TMEM117: variants seen among roughly 807,000 people sequenced by gnomAD.
TMEM117 encodes transmembrane protein 117.
TMEM117 carries 27 observed loss-of-function variants against 52.4 expected under a neutral mutation model. That is an observed-to-expected ratio of 0.51 (90% confidence interval 0.38 to 0.71). TMEM117 has a LOEUF of 0.71. Ranked by LOEUF, TMEM117 falls within the 30% of genes least tolerant of loss-of-function variation. The pLI, the probability that TMEM117 is intolerant of heterozygous loss-of-function variation, is 0.00. For missense variants in TMEM117, 556 were observed against 630.5 expected, an observed-to-expected ratio of 0.88 and a Z score of 1.26; for synonymous variants, 215 against 206.3, an observed-to-expected ratio of 1.04 and a Z score of -0.36.
Position 43,865,342 on chromosome 12 carries a change from C to T in TMEM117, c.277+20414C>T, listed in dbSNP as rs568883912. Among the ~76,000 whole-genome samples, 4 of 152,222 alleles carry T rather than the reference C, an allele frequency of 2.6e-5. No homozygotes were observed. In the East Asian group the frequency reaches 5.8e-4, roughly 22 times the overall value. On this transcript the variant is annotated intron_variant, in intron 2 of 7. Transcript: ENST00000266534. ...GCATTGAAACCCCAGAAGGGTGCCC[C>T]TTAGAAATAAACAATACATCCTTGG...
At chr12:43,934,733 T>C (rs1201759078) in intron 2 of TMEM117, among the ~76,000 whole-genome samples, 1 of 152,224 alleles carries the variant, frequency 6.6e-6, no homozygotes, top group African/African-American at 2.4e-5. Context: ...AGTATGCTCC[T>C]ATTCCTAATA....
At chr12:44,238,173 A>C (rs1950020685) in intron 5 of TMEM117, among the ~76,000 whole-genome samples, 1 of 152,314 alleles carries the variant, frequency 6.6e-6, no homozygotes. Flanking sequence ...TTGCAACAAA[A>C]CAACAAAACA....
At chr12:44,321,266 T>G (rs1951125890) in intron 6 of TMEM117, among the ~76,000 whole-genome samples, 1 of 152,184 alleles carries the variant, frequency 6.6e-6, no homozygotes, top group African/African-American at 2.4e-5. Context: ...CAGAGTAGAT[T>G]GTTTGTGCTG....
the TMEM117 span, among the ~76,000 whole-genome samples, chr12:43,808,607 A>G: frequency 6.6e-6 from 1 of 152,072 alleles, no homozygotes; most frequent in African/African-American, 2.4e-5. Context: ...AAGCTAATAA[A>G]TGGAGACTGT....
chr12:43,923,039 A>G (rs781451785), intron 2 of TMEM117, among the ~76,000 whole-genome samples: 2 of 152,208 alleles, frequency 1.3e-5, no homozygotes, highest in Non-Finnish European at 2.9e-5. Flanking sequence ...CTGGAGGAGC[A>G]GAGCAGAATT....
chr12:44,286,420 A>G (rs1362305473), intron 5 of TMEM117, among the ~76,000 whole-genome samples: 1 of 151,974 alleles, frequency 6.6e-6, no homozygotes, highest in Non-Finnish European at 1.5e-5. Context: ...AGCTTATATT[A>G]GGTAATTCTG....
At chr12:44,050,829 A>G (rs1324912111) in intron 3 of TMEM117, among the ~76,000 whole-genome samples, 1 of 152,226 alleles carries the variant, frequency 6.6e-6, no homozygotes, top group Non-Finnish European at 1.5e-5. Flanking sequence ...AGGAATTTAC[A>G]TCAGTAAAGA....
In TMEM117 at chr12:44,388,246, A is replaced by T. The variant is rs377158697; in HGVS notation, c.1119A>T (p.Thr373=). 3 of 1,613,492 alleles carry T rather than the reference A, an allele frequency of 1.9e-6. No homozygotes were observed. The East Asian group carries it at 6.7e-5, about 36-fold the overall frequency. The change falls in exon 8 of 8, where the codon ACA becomes ACT. Residue 373 remains threonine, a synonymous_variant. Coordinates refer to ENST00000266534, the MANE Select transcript of TMEM117 (RefSeq NM_032256.3). ...SNHTNPRTNK[T]YVEGDMFLHS... is the part of the protein sequence containing the mutation. ...ACACTAACCCTCGGACTAATAAAAC[A>T]TATGTTGAGGGAGACATGTTCTTAC...
At chr12:43,993,806 C>T (rs570386848) in intron 3 of TMEM117, among the ~76,000 whole-genome samples, 1 of 152,206 alleles carries the variant, frequency 6.6e-6, no homozygotes, top group Non-Finnish European at 1.5e-5. Context: ...GTGATTCTCC[C>T]AACTCAGCCT....
chr12:43,820,423 G>A, the TMEM117 span, among the ~76,000 whole-genome samples: 1 of 152,080 alleles, frequency 6.6e-6, no homozygotes, highest in African/African-American at 2.4e-5. Context: ...ACAGACGCCG[G>A]CCACCACGCC....
At chr12:44,034,930 C>T (rs1032901202) in intron 3 of TMEM117, among the ~76,000 whole-genome samples, 1 of 152,132 alleles carries the variant, frequency 6.6e-6, no homozygotes, top group African/African-American at 2.4e-5. Context: ...CTGAATAGAA[C>T]AAAATGGAGA....
At position 44,055,601 on chromosome 12, in the gene TMEM117, C is replaced by T. The variant is rs561958545; in HGVS notation, c.411-87924C>T. Among the ~76,000 whole-genome samples the T allele has an allele frequency of 3.1e-3, 476 of 152,072 alleles. 3 individuals carry two copies. Among genetic ancestry groups the T allele is most frequent in the African/African-American group, 0.011 (448 of 41,476 alleles). ...GCTGTGTGGCATCAGGTAGGTGTGC[C>T]GCTCTTTTTGTGTCTCCATTTTCCT... On this transcript the variant is annotated intron_variant, in intron 3 of 7. Transcript: ENST00000266534.
intron 2 of TMEM117, among the ~76,000 whole-genome samples, chr12:43,931,056 G>C (rs1944863560): frequency 6.6e-6 from 1 of 152,200 alleles, no homozygotes; most frequent in Admixed American, 6.5e-5. Context: ...CCACAGGGAT[G>C]TGAGAACCCA....
At chr12:44,095,833 T>G (rs1258808320) in intron 3 of TMEM117, among the ~76,000 whole-genome samples, 2 of 152,096 alleles carry the variant, frequency 1.3e-5, no homozygotes, top group African/African-American at 4.8e-5. Context: ...CCCTCACCAC[T>G]CCTATTCAAC....
At chr12:44,241,009 G>C (rs1442867281) in intron 5 of TMEM117, among the ~76,000 whole-genome samples, 1 of 151,890 alleles carries the variant, frequency 6.6e-6, no homozygotes, top group African/African-American at 2.4e-5. Flanking sequence ...CGTGTGAATT[G>C]GTTTCAGAGC....
chr12:44,001,654 C>T (rs1467966495), intron 3 of TMEM117, among the ~76,000 whole-genome samples: 2 of 151,450 alleles, frequency 1.3e-5, no homozygotes, highest in African/African-American at 4.9e-5. Flanking sequence ...GACAAATTCA[C>T]AGCCTGGTTC....
chr12:44,064,912 AGG>A (rs780532670), intron 3 of TMEM117, among the ~76,000 whole-genome samples: 2 of 152,148 alleles, frequency 1.3e-5, no homozygotes, highest in Non-Finnish European at 2.9e-5. Flanking sequence ...CATACAAAAA[AGG>A]GGGGGTAACT....
Position 44,294,254 on chromosome 12 carries a change from C to T in TMEM117, c.609-5326C>T, listed in dbSNP as rs1174082599. 2.0e-5 allele frequency among the ~76,000 whole-genome samples: 3 copies of T among 152,228 alleles called. No individual in the cohort carries two copies. The East Asian group carries it at 5.8e-4, about 29-fold the overall frequency. ...TTCCCTCTTTATTGAAGACTTTAGT[C>T]AATTTGATCATAAAGTATTCCCTCT... On this transcript the variant is annotated intron_variant, in intron 5 of 7. Coordinates refer to ENST00000266534, the MANE Select transcript of TMEM117 (RefSeq NM_032256.3).
the TMEM117 span, among the ~76,000 whole-genome samples, chr12:43,808,752 A>G: frequency 6.7e-6 from 1 of 149,202 alleles, no homozygotes; most frequent in African/African-American, 2.5e-5. Flanking sequence ...AGAGGCTGCA[A>G]TGAGCCATGA....
Sources: gnomAD v4.1 joint callset for allele counts (sites outside exome capture counted in the v4.1 genomes callset) on GRCh38, gnomAD v4.1.1 for gene constraint, MANE v1.5 for transcripts, NCBI Gene and HGNC (gene_info 2026-07-23, HGNC 2026-07-21) for gene names.